The following RBFOX1 variants were observed in gnomAD, a reference collection of about 807,000 sequenced individuals.
RBFOX1 encodes RNA binding fox-1 homolog 1, also known as RNA binding protein fox-1 homolog 1.
Under a neutral mutation model 57.7 loss-of-function variants are expected in RBFOX1, and 8 were observed. The observed-to-expected ratio is 0.14, with a 90% CI of 0.08 to 0.25. The LOEUF is 0.25. Ranked by LOEUF, RBFOX1 falls within the 10% of genes least tolerant of loss-of-function variation. RBFOX1 has a pLI of 1.00. For missense variants in RBFOX1, 611 were observed against 548.5 expected (o/e 1.11, Z -1.14); for synonymous variants, 326 against 222.4 (o/e 1.47, Z -4.15).
At chr16:6,597,986 G>T (rs2097794357) in intron 2 of RBFOX1, among the ~76,000 whole-genome samples, 1 of 152,212 alleles carries the variant, frequency 6.6e-6, no homozygotes, top group African/African-American at 2.4e-5. Context: ...TGCTCAGAAA[G>T]TCCAGGGCTG....
At chr16:6,841,469 C>G (rs989051795) in intron 3 of RBFOX1, among the ~76,000 whole-genome samples, 2 of 152,092 alleles carry the variant, frequency 1.3e-5, no homozygotes, top group Non-Finnish European at 2.9e-5. Context: ...CTCATGCAAC[C>G]TGAGTGGAAG....
At chr16:5,663,464 GA>G (rs2151393567) in intron 3 of RBFOX1, among the ~76,000 whole-genome samples, 1 of 151,734 alleles carries the variant, frequency 6.6e-6, no homozygotes, top group African/African-American at 2.4e-5. Context: ...TTCAGCCCCC[GA>G]AAATGCTGGT....
At chr16:6,714,815 A>G (rs2064445481) in intron 3 of RBFOX1, among the ~76,000 whole-genome samples, 1 of 152,092 alleles carries the variant, frequency 6.6e-6, no homozygotes, top group African/African-American at 2.4e-5. Context: ...ATTTCTTTGA[A>G]CCACCTGTGC....
chr16:5,622,059 G>A (rs2048215863), intron 3 of RBFOX1, among the ~76,000 whole-genome samples: 1 of 152,182 alleles, frequency 6.6e-6, no homozygotes, highest in African/African-American at 2.4e-5. Flanking sequence ...AACTTTGCCA[G>A]AAGCATTGTT....
chr16:6,335,159 G>A (rs1421967163), intron 2 of RBFOX1, among the ~76,000 whole-genome samples: 1 of 152,182 alleles, frequency 6.6e-6, no homozygotes, highest in Non-Finnish European at 1.5e-5. Flanking sequence ...GGATTCTGTT[G>A]CAAATGACAC....
At chr16:5,347,141 C>G (rs2065157838) in intron 1 of RBFOX1, among the ~76,000 whole-genome samples, 1 of 152,112 alleles carries the variant, frequency 6.6e-6, no homozygotes, top group South Asian at 2.1e-4. Context: ...CACCTGATAT[C>G]TCCCCTTCCT....
chr16:5,909,093 T>TC (rs2058550154), intron 4 of RBFOX1, among the ~76,000 whole-genome samples: 1 of 142,954 alleles, frequency 7.0e-6, no homozygotes, highest in African/African-American at 2.6e-5. Context: ...AGCCCCCCTT[T>TC]TTTTTTTTTT....
intron 4 of RBFOX1, among the ~76,000 whole-genome samples, chr16:7,231,360 A>G (rs930901371): frequency 6.6e-6 from 1 of 152,182 alleles, no homozygotes; most frequent in Non-Finnish European, 1.5e-5. Flanking sequence ...AAACTGGAGT[A>G]TTAGAGAATC....
chr16:5,393,868 A>C (rs1017335502), intron 1 of RBFOX1, among the ~76,000 whole-genome samples: 1 of 151,900 alleles, frequency 6.6e-6, no homozygotes, highest in Non-Finnish European at 1.5e-5. Context: ...TTAAACACTA[A>C]CTTCCCATTC....
chr16:7,458,278 A>G (rs73498379), intron 4 of RBFOX1, among the ~76,000 whole-genome samples: 4,629 of 152,224 alleles, frequency 0.03, 228 homozygotes, highest in African/African-American at 0.1. Flanking sequence ...ATGTGAATGC[A>G]GGAATTATGT....
chr16:7,707,414 G>C (rs781195453), intron 14 of RBFOX1, among the ~76,000 whole-genome samples: 7 of 152,094 alleles, frequency 4.6e-5, no homozygotes, highest in Admixed American at 1.3e-4. Flanking sequence ...GGAAAGGAGA[G>C]GGAAAAGGTA....
chr16:7,392,649 T>G (rs139409022), intron 4 of RBFOX1, among the ~76,000 whole-genome samples: 1 of 152,268 alleles, frequency 6.6e-6, no homozygotes, highest in Non-Finnish European at 1.5e-5. Flanking sequence ...TAGGTTAAGC[T>G]GAGTAGGTGA....
intron 6 of RBFOX1, among the ~76,000 whole-genome samples, chr16:7,585,110 C>A (rs184618882): frequency 6.6e-6 from 1 of 152,324 alleles, no homozygotes; most frequent in African/African-American, 2.4e-5. Context: ...AATATATGTG[C>A]TTCTAGGCTC....
intron 4 of RBFOX1, among the ~76,000 whole-genome samples, chr16:5,962,998 GTTAAC>G (rs961022321): frequency 6.6e-6 from 1 of 151,910 alleles, no homozygotes; most frequent in African/African-American, 2.4e-5. Flanking sequence ...TTTAGAAAGT[GTTAAC>G]TTAATAAGAT....
chr16:6,737,352 T>C (rs1426146820), intron 3 of RBFOX1, among the ~76,000 whole-genome samples: 1 of 143,516 alleles, frequency 7.0e-6, no homozygotes, highest in East Asian at 2.1e-4. Context: ...GCATCAGTTT[T>C]ATCTGTTGTT....
chr16:6,685,131 C>G (rs148076795), intron 3 of RBFOX1, among the ~76,000 whole-genome samples: 37 of 152,162 alleles, frequency 2.4e-4, no homozygotes, highest in African/African-American at 8.2e-4. Context: ...TAAATAAATA[C>G]GAGCTGTCAC....
intron 3 of RBFOX1, among the ~76,000 whole-genome samples, chr16:6,805,808 C>G (rs1448787183): frequency 6.6e-6 from 1 of 152,178 alleles, no homozygotes; most frequent in African/African-American, 2.4e-5. Flanking sequence ...TTCACATCTT[C>G]GCTGCCCTGT....
intron 4 of RBFOX1, among the ~76,000 whole-genome samples, chr16:7,088,068 C>G (rs1174675983): frequency 6.6e-6 from 1 of 152,092 alleles, no homozygotes; most frequent in Non-Finnish European, 1.5e-5. Context: ...CAGGCAAGAC[C>G]TGGTTCATTA....
At chr16:6,940,584 G>C (rs1032885459) in intron 3 of RBFOX1, among the ~76,000 whole-genome samples, 2 of 151,998 alleles carry the variant, frequency 1.3e-5, no homozygotes, top group Admixed American at 6.6e-5. Context: ...TGGGTATTCA[G>C]GGGTCTTATT....
Sources: gnomAD v4.1 joint callset for allele counts (sites outside exome capture counted in the v4.1 genomes callset) on GRCh38, gnomAD v4.1.1 for gene constraint, MANE v1.5 for transcripts, NCBI Gene and HGNC (gene_info 2026-07-23, HGNC 2026-07-21) for gene names.